The following CDC14A variants were observed in gnomAD, a reference collection of about 807,000 sequenced individuals.
CDC14A encodes cell division cycle 14A, also known as dual specificity protein phosphatase CDC14A.
Under a neutral mutation model 74.4 loss-of-function variants are expected in CDC14A, and 53 were observed. The observed-to-expected ratio is 0.71, with a 90% CI of 0.57 to 0.89. CDC14A has a LOEUF of 0.89. CDC14A is among the 40% of genes least tolerant of loss of function. The pLI is 0.00. For synonymous variants in CDC14A, 247 were observed against 258.4 expected, an observed-to-expected ratio of 0.96 and a Z score of 0.43; for missense variants, 646 against 713.7, an observed-to-expected ratio of 0.91 and a Z score of 1.08.
intron 15 of CDC14A, among the ~76,000 whole-genome samples, chr1:100,502,727 C>A (rs1184498617): frequency 6.6e-6 from 1 of 152,148 alleles, no homozygotes. Flanking sequence ...ACCATGGGGG[C>A]AATTCTTTAG....
upstream of CDC14A, among the ~76,000 whole-genome samples, chr1:100,348,165 C>A (rs1326324197): frequency 6.6e-6 from 1 of 151,884 alleles, no homozygotes; most frequent in Non-Finnish European, 1.5e-5. Flanking sequence ...GCCTGTAGTC[C>A]CAGCTACTTG....
intron 4 of CDC14A, among the ~76,000 whole-genome samples, chr1:100,395,757 T>A (rs369851403): frequency 6.6e-6 from 1 of 152,186 alleles, no homozygotes; most frequent in African/African-American, 2.4e-5. Context: ...GCCATTAAGA[T>A]CCTTTCTGAT....
chr1:100,351,893 C>G, upstream of CDC14A: 1 of 1,187,872 alleles, frequency 8.4e-7, no homozygotes, highest in South Asian at 1.3e-5. Context: ...AAGATGCAGA[C>G]CCCCTCAGTG....
chr1:100,398,589 C>T (rs966707197), intron 4 of CDC14A, among the ~76,000 whole-genome samples: 1 of 152,058 alleles, frequency 6.6e-6, no homozygotes, highest in Admixed American at 6.6e-5. Context: ...CTACTATGAG[C>T]CCTTCCTAGC....
intron 9 of CDC14A, among the ~76,000 whole-genome samples, chr1:100,463,239 G>T (rs1040247084): frequency 2.6e-5 from 4 of 151,676 alleles, no homozygotes; most frequent in African/African-American, 7.3e-5. Flanking sequence ...TCTCTCCTTT[G>T]TTTTTTTTCA....
At chr1:100,422,785 T>C (rs893214713) in intron 4 of CDC14A, among the ~76,000 whole-genome samples, 1 of 152,214 alleles carries the variant, frequency 6.6e-6, no homozygotes, top group Non-Finnish European at 1.5e-5. Flanking sequence ...GTATTTTTAA[T>C]CTATTTATTT....
intron 7 of CDC14A, among the ~76,000 whole-genome samples, chr1:100,453,830 C>T (rs1249626032): frequency 1.3e-5 from 2 of 152,108 alleles, no homozygotes; most frequent in Non-Finnish European, 2.9e-5. Flanking sequence ...TTAGTAGAGA[C>T]GGGGTTTCAC....
intron 4 of CDC14A, among the ~76,000 whole-genome samples, chr1:100,392,718 A>G (rs1043434851): frequency 1.2e-4 from 18 of 152,236 alleles, no homozygotes; most frequent in Admixed American, 2.0e-4. Flanking sequence ...AAAGTTTTGA[A>G]TAAAGATCCT....
chr1:100,499,754 A>G (rs1037066392), intron 15 of CDC14A, among the ~76,000 whole-genome samples: 2 of 152,208 alleles, frequency 1.3e-5, no homozygotes, highest in Admixed American at 6.5e-5. Context: ...AGTGAACAGT[A>G]TCTTCCTAGA....
At chr1:100,389,966 G>T (rs1476309416) in intron 3 of CDC14A, among the ~76,000 whole-genome samples, 2 of 152,008 alleles carry the variant, frequency 1.3e-5, no homozygotes, top group Admixed American at 6.6e-5. Context: ...TTCGAGTTTT[G>T]ATTAATAATT....
chr1:100,488,153 A>G (rs1268550194), intron 11 of CDC14A, among the ~76,000 whole-genome samples: 1 of 152,236 alleles, frequency 6.6e-6, no homozygotes, highest in Non-Finnish European at 1.5e-5. Flanking sequence ...AGTTATCTTA[A>G]AAGATAGAAT....
At chr1:100,433,776 T>C (rs1664001833) in intron 5 of CDC14A, among the ~76,000 whole-genome samples, 1 of 152,218 alleles carries the variant, frequency 6.6e-6, no homozygotes, top group African/African-American at 2.4e-5. Flanking sequence ...AGTGATTTCT[T>C]AGATTCTCAG....
intron 15 of CDC14A, among the ~76,000 whole-genome samples, chr1:100,510,095 T>A (rs760264740): frequency 1.3e-5 from 2 of 152,176 alleles, no homozygotes; most frequent in Non-Finnish European, 2.9e-5. Context: ...CCAAGGATAC[T>A]CATATCGTTT....
At chr1:100,363,972 A>C (rs1362882041) in intron 2 of CDC14A, among the ~76,000 whole-genome samples, 1 of 152,102 alleles carries the variant, frequency 6.6e-6, no homozygotes, top group Non-Finnish European at 1.5e-5. Flanking sequence ...TCTACAAAAA[A>C]TACAAAAATT....
intron 15 of CDC14A, among the ~76,000 whole-genome samples, chr1:100,504,121 TTAAG>T (rs1296498368): frequency 3.3e-5 from 5 of 152,234 alleles, no homozygotes; most frequent in Non-Finnish European, 7.3e-5. Context: ...TAGGCACTCA[TTAAG>T]TATTTGTTGA....
intron 7 of CDC14A, 134 bp from the exon 8 acceptor site, chr1:100,455,271 T>C (rs1666567114): frequency 1.6e-6 from 1 of 618,456 alleles, no homozygotes; most frequent in South Asian, 2.1e-5. Context: ...CATGTTTTTA[T>C]TTTAAGCTAT....
At chr1:100,399,976 T>C (rs1483690103) in intron 4 of CDC14A, among the ~76,000 whole-genome samples, 1 of 152,256 alleles carries the variant, frequency 6.6e-6, no homozygotes, top group African/African-American at 2.4e-5. Flanking sequence ...CATAGACCTT[T>C]CCTGCTGTTA....
intron 14 of CDC14A, among the ~76,000 whole-genome samples, chr1:100,498,569 A>T (rs1648225465): frequency 6.6e-6 from 1 of 152,168 alleles, no homozygotes; most frequent in African/African-American, 2.4e-5. Flanking sequence ...GTGATTGAAT[A>T]TGTACTTAAG....
intron 2 of CDC14A, among the ~76,000 whole-genome samples, chr1:100,376,742 G>A (rs1655315629): frequency 6.6e-6 from 1 of 151,966 alleles, no homozygotes; most frequent in Non-Finnish European, 1.5e-5. Flanking sequence ...AGGGGGAGGA[G>A]CCAGTGTGTC....
Sources: allele counts gnomAD v4.1 joint callset (sites outside exome capture counted in the v4.1 genomes callset), GRCh38; gene constraint gnomAD v4.1.1; transcripts MANE v1.5; gene names NCBI Gene and HGNC (gene_info 2026-07-23, HGNC 2026-07-21).